The following FOXP1 variants were observed in gnomAD, a reference collection of about 807,000 sequenced individuals.
FOXP1 encodes the protein forkhead box P1, also known as forkhead box protein P1.
In FOXP1, 15 loss-of-function variants were observed where a neutral mutation model predicts 98.2. That is an observed-to-expected ratio of 0.15 (90% CI 0.10 to 0.24). The LOEUF (loss-of-function observed/expected upper bound fraction) is 0.24, where lower values mean the gene tolerates loss of function less well. FOXP1 is among the 10% of genes least tolerant of loss of function. FOXP1 has a pLI of 1.00. For missense variants in FOXP1, 633 were observed against 848.5 expected (o/e 0.75, Z 3.15); for synonymous variants, 371 against 314.5 (o/e 1.18, Z -1.90).
intron 2 of FOXP1, among the ~76,000 whole-genome samples, chr3:71,502,116 C>T (rs1577881819): frequency 1.3e-5 from 2 of 152,346 alleles, no homozygotes; most frequent in Non-Finnish European, 2.9e-5. Flanking sequence ...ATCATGGGAA[C>T]TCCAGAATCA....
chr3:71,230,681 A>G (rs1007999383), intron 5 of FOXP1, among the ~76,000 whole-genome samples: 1 of 152,240 alleles, frequency 6.6e-6, no homozygotes, highest in African/African-American at 2.4e-5. Flanking sequence ...ATTGGTGCAT[A>G]AACTCAAGAG....
intron 7 of FOXP1, among the ~76,000 whole-genome samples, chr3:71,062,670 G>C (rs930440703): frequency 6.6e-6 from 1 of 152,068 alleles, no homozygotes; most frequent in Non-Finnish European, 1.5e-5. Flanking sequence ...TAAATTACTC[G>C]GATTAGATAA....
chr3:71,138,835 T>C (rs1180965300), intron 6 of FOXP1, among the ~76,000 whole-genome samples: 1 of 152,172 alleles, frequency 6.6e-6, no homozygotes, highest in Non-Finnish European at 1.5e-5. Flanking sequence ...CTGCATTAAT[T>C]CTTAAGAACT....
At chr3:71,223,059 A>G (rs1393478743) in intron 5 of FOXP1, among the ~76,000 whole-genome samples, 1 of 152,142 alleles carries the variant, frequency 6.6e-6, no homozygotes, top group African/African-American at 2.4e-5. Flanking sequence ...GAAATCCTCA[A>G]AGAACCTTCA....
chr3:71,033,111 G>A (rs2047092873), intron 11 of FOXP1, among the ~76,000 whole-genome samples: 1 of 152,160 alleles, frequency 6.6e-6, no homozygotes, highest in Non-Finnish European at 1.5e-5. Flanking sequence ...AAATGTTAAG[G>A]AAAGCTAAGA....
intron 6 of FOXP1, among the ~76,000 whole-genome samples, chr3:71,142,114 TA>T (rs1347080011): frequency 1.3e-5 from 2 of 149,532 alleles, no homozygotes; most frequent in Non-Finnish European, 1.5e-5. Flanking sequence ...AATGACTTAA[TA>T]AATACAAAAT....
intron 2 of FOXP1, among the ~76,000 whole-genome samples, chr3:71,497,729 C>A (rs954038037): frequency 2.6e-5 from 4 of 152,154 alleles, no homozygotes; most frequent in African/African-American, 7.2e-5. Flanking sequence ...TCAGTGAACC[C>A]CCAGGGGCTC....
chr3:71,532,737 G>T (rs1446791998), intron 2 of FOXP1, among the ~76,000 whole-genome samples: 2 of 152,078 alleles, frequency 1.3e-5, no homozygotes, highest in African/African-American at 4.8e-5. Flanking sequence ...AAGGGAAGCT[G>T]CTTCTTCCAG....
In FOXP1 at chr3:71,174,971, C is replaced by T. The variant is rs1219003778; in HGVS notation, c.180+23231G>A. ...TCTTGTTGCCCAGACTGGAGAGCAG[C>T]GCCATGATCTCAGCTCACTGCAACC... On this transcript the variant is annotated intron_variant, in intron 6 of 20. Transcript: ENST00000649528. 1.0e-4 allele frequency among the ~76,000 whole-genome samples: 15 copies of T among 150,522 alleles called. No homozygotes were observed. The East Asian group carries it at 2.7e-3, about 28-fold the overall frequency.
intron 3 of FOXP1, among the ~76,000 whole-genome samples, chr3:71,457,845 T>C (rs896820581): frequency 6.6e-5 from 10 of 152,178 alleles, no homozygotes; most frequent in Non-Finnish European, 1.0e-4. Context: ...ATTTCTTCTC[T>C]TTACTTTCTT....
intron 5 of FOXP1, among the ~76,000 whole-genome samples, chr3:71,222,928 A>T (rs756974151): frequency 1.3e-5 from 2 of 151,650 alleles, no homozygotes; most frequent in African/African-American, 2.4e-5. Context: ...GTCACTGTCA[A>T]CTCCTTTGAT....
chr3:71,029,592 T>C (rs1287214727), intron 11 of FOXP1, among the ~76,000 whole-genome samples: 1 of 152,146 alleles, frequency 6.6e-6, no homozygotes, highest in Non-Finnish European at 1.5e-5. Flanking sequence ...GGTCTCACTA[T>C]ATTGCCCAGG....
chr3:71,326,985 T>C (rs191697518), intron 4 of FOXP1, among the ~76,000 whole-genome samples: 71 of 152,242 alleles, frequency 4.7e-4, no homozygotes, highest in African/African-American at 1.7e-3. Context: ...ATGAGGAAAC[T>C]AAGGCCCAGC....
At chr3:70,966,442 T>C in intron 19 of FOXP1, 1 of 315,606 alleles carries the variant, frequency 3.2e-6, no homozygotes, top group Non-Finnish European at 6.2e-6. Flanking sequence ...TCCATTTTGA[T>C]GACTCCAGTA....
chr3:71,560,629 A>G (rs377687627), intron 2 of FOXP1, among the ~76,000 whole-genome samples: 1 of 152,238 alleles, frequency 6.6e-6, no homozygotes, highest in African/African-American at 2.4e-5. Context: ...GTATTAACCA[A>G]AACAGCCAAA....
chr3:71,274,287 C>T (rs2070680750), intron 5 of FOXP1, among the ~76,000 whole-genome samples: 1 of 152,080 alleles, frequency 6.6e-6, no homozygotes, highest in Non-Finnish European at 1.5e-5. Context: ...GAAAGGCAAC[C>T]CTCAAGATTG....
In FOXP1 at chr3:70,957,829, A is replaced by G; in HGVS notation, c.*1418T>C. 1 of 233,888 alleles carries G rather than the reference A, an allele frequency of 4.3e-6. No individual in the cohort carries two copies. The highest frequency in any genetic ancestry group is 8.5e-6 in the Non-Finnish European group (1 of 118,170). The allele number at this position is 233,888 out of a possible 1,614,324, so 14.5% of individuals were successfully genotyped here. ...GCATATTTGAAATTAACACTTTAGC[A>G]TTTGCTGAACTCAGCCCTCGTTAAC... On this transcript the variant is annotated 3_prime_UTR_variant, in exon 21 of 21. Coordinates refer to ENST00000649528, the MANE Select transcript of FOXP1 (RefSeq NM_001349338.3).
intron 2 of FOXP1, among the ~76,000 whole-genome samples, chr3:71,518,122 G>GTTT (rs201435436): frequency 2.0e-5 from 3 of 150,842 alleles, no homozygotes; most frequent in African/African-American, 7.3e-5. Context: ...ATTTGACAGT[G>GTTT]TTTTTTTTTG....
chr3:71,240,582 A>T (rs2067176722), intron 5 of FOXP1, among the ~76,000 whole-genome samples: 1 of 151,886 alleles, frequency 6.6e-6, no homozygotes, highest in African/African-American at 2.4e-5. Flanking sequence ...TCGCTCTGTC[A>T]CCCAGGCTGG....
Sources: allele counts gnomAD v4.1 joint callset (sites outside exome capture counted in the v4.1 genomes callset), GRCh38; gene constraint gnomAD v4.1.1; transcripts MANE v1.5; gene names NCBI Gene and HGNC (gene_info 2026-07-23, HGNC 2026-07-21).